Variants in REV3L observed in about 807,000 individuals in gnomAD.
REV3L encodes the protein DNA polymerase zeta catalytic subunit.
Under a neutral mutation model 299.4 loss-of-function variants are expected in REV3L, and 69 were observed. That is an observed-to-expected ratio of 0.23 (90% CI 0.19 to 0.28). The LOEUF (loss-of-function observed/expected upper bound fraction) is 0.28. Ranked by LOEUF, REV3L falls within the 10% of genes least tolerant of loss-of-function variation. REV3L has a pLI of 1.00. For missense variants in REV3L, 3,128 were observed against 3,693.8 expected (o/e 0.85, Z 3.97); for synonymous variants, 1,238 against 1,271.4 (o/e 0.97, Z 0.56).
At chr6:111,398,740 T>A (rs1288474116) in intron 4 of REV3L, among the ~76,000 whole-genome samples, 3 of 152,056 alleles carry the variant, frequency 2.0e-5, no homozygotes, top group African/African-American at 7.2e-5. Context: ...TGAGATAACA[T>A]GATAAAATAA....
chr6:111,447,423 A>C (rs547993676), intron 1 of REV3L, among the ~76,000 whole-genome samples: 6 of 152,320 alleles, frequency 3.9e-5, no homozygotes, highest in African/African-American at 1.2e-4. Flanking sequence ...AAAACCAAAA[A>C]CTTCAAATGT....
Position 111,304,609 on chromosome 6 carries a change from TTTTC to T in REV3L, c.9252+2748_9252+2751del, listed in dbSNP as rs1330754517. Among the ~76,000 whole-genome samples the T allele has an allele frequency of 5.9e-5, 9 of 151,412 alleles. No individual in the cohort carries two copies. The East Asian group carries it at 7.7e-4, about 13-fold the overall frequency. ...ATCATTATTTATAAATAGCATCGCT[TTTTC>T]TTTTTTTTTTTTTTTTCGATCCAAG... is the stretch of plus-strand genomic sequence containing the variant. On this transcript the variant is annotated intron_variant, in intron 31 of 31. Coordinates refer to ENST00000368802, the MANE Select transcript of REV3L (RefSeq NM_001372078.1).
chr6:111,363,760 C>A, intron 16 of REV3L, 93 bp downstream of exon 16: 1 of 1,228,626 alleles, frequency 8.1e-7, no homozygotes, highest in South Asian at 1.6e-5. Flanking sequence ...CAATATACTC[C>A]TCCCTTGTTA....
intron 20 of REV3L, among the ~76,000 whole-genome samples, chr6:111,345,393 C>A (rs1171146857): frequency 6.6e-6 from 1 of 152,058 alleles, no homozygotes; most frequent in African/African-American, 2.4e-5. Context: ...TACTAAATTC[C>A]AGAGGTGAAT....
upstream of REV3L, chr6:111,483,528 G>A: frequency 1.9e-6 from 1 of 514,024 alleles, no homozygotes. Context: ...CTTGCGGGAG[G>A]GGGGCGCCAG....
At chr6:111,344,672 T>C (rs1285984134) in intron 20 of REV3L, among the ~76,000 whole-genome samples, 5 of 152,206 alleles carry the variant, frequency 3.3e-5, no homozygotes, top group Non-Finnish European at 5.9e-5. Flanking sequence ...TACTTCCAGC[T>C]AGATGATTTC....
At chr6:111,352,012 CT>C (rs879816515) in intron 18 of REV3L, among the ~76,000 whole-genome samples, 133 of 143,640 alleles carry the variant, frequency 9.3e-4, no homozygotes, top group Admixed American at 9.8e-4. Context: ...TTCTTTCTTT[CT>C]TTTTTTTTTT....
At chr6:111,322,792 A>C in intron 25 of REV3L, 114 bp from the exon 26 acceptor site, 1 of 771,952 alleles carries the variant, frequency 1.3e-6, no homozygotes. Flanking sequence ...AAACGAGAAA[A>C]GAACGTAAAA....
At chr6:111,333,908 C>T (rs569144390) in intron 22 of REV3L, among the ~76,000 whole-genome samples, 2 of 152,278 alleles carry the variant, frequency 1.3e-5, no homozygotes, top group African/African-American at 4.8e-5. Flanking sequence ...TTTTAAAAGA[C>T]AGATGCAATT....
At chr6:111,309,043 T>C (rs1772657697) in intron 30 of REV3L, among the ~76,000 whole-genome samples, 1 of 152,162 alleles carries the variant, frequency 6.6e-6, no homozygotes, top group Admixed American at 6.5e-5. Context: ...GACGGGCAGG[T>C]TGTGGAGCTC....
rs557642648 is a variant in REV3L, at chr6:111,412,382, C to A, written c.330-828G>T. On this transcript the variant is annotated intron_variant, in intron 2 of 31. Coordinates refer to ENST00000368802, the MANE Select transcript of REV3L (RefSeq NM_001372078.1). ...GATGAAATAAGCTGAACTCTCACAT[C>A]ATTTCAGGAGGATCTGAAACTACAC... The A allele has an allele frequency of 1.0e-4, 41 of 393,266 alleles. No homozygotes were observed. In the South Asian group the frequency reaches 4.4e-3, roughly 42 times the overall value. 24.4% of individuals were successfully genotyped at this position (393,266 alleles called of 1,614,324 possible).
chr6:111,320,260 G>A (rs1410998080), intron 26 of REV3L, among the ~76,000 whole-genome samples: 1 of 151,876 alleles, frequency 6.6e-6, no homozygotes, highest in African/African-American at 2.4e-5. Context: ...TAGAGATGGC[G>A]TTCTCCATAT....
chr6:111,314,998 G>A (rs1161887714), intron 27 of REV3L, among the ~76,000 whole-genome samples: 1 of 151,942 alleles, frequency 6.6e-6, no homozygotes, highest in African/African-American at 2.4e-5. Context: ...CTACAGGCGT[G>A]TGCCACTATG....
chr6:111,458,257 C>T (rs1318277932), intron 1 of REV3L, among the ~76,000 whole-genome samples: 1 of 151,870 alleles, frequency 6.6e-6, no homozygotes, highest in African/African-American at 2.4e-5. Flanking sequence ...CATGATAAAA[C>T]CCCTCAATAA....
At position 111,357,026 on chromosome 6, in the gene REV3L, T is replaced by C; in HGVS notation, c.7172A>G (p.Asn2391Ser). The C allele has an allele frequency of 6.3e-7, 1 of 1,584,678 alleles. No homozygotes were observed. The highest frequency in any genetic ancestry group is 8.6e-7 in the Non-Finnish European group (1 of 1,160,390). ...DEKALFHEIA[N>S]IIKRYDPDIL... Reference sequence around the variant, plus strand: ...TACAAAACAATACCTCTTTATTATATTTGCAATTTCATGAAAAAGTGCCTT... The same window carrying C: ...TACAAAACAATACCTCTTTATTATACTTGCAATTTCATGAAAAAGTGCCTT... The change falls in exon 18 of 32, where the codon AAT (asparagine) becomes AGT (serine). Residue 2391 changes from asparagine to serine, a missense_variant. Asn to Ser is a conservative substitution (Grantham distance 46). This residue lies in a region of REV3L where 82 missense variants were observed against 142.7 expected (regional missense o/e 0.57). Coordinates refer to ENST00000368802, the MANE Select transcript of REV3L (RefSeq NM_001372078.1).
intron 1 of REV3L, among the ~76,000 whole-genome samples, chr6:111,437,985 TG>T (rs1370155505): frequency 6.6e-6 from 1 of 151,924 alleles, no homozygotes; most frequent in Non-Finnish European, 1.5e-5. Context: ...CTCGAGTAGC[TG>T]GAACTACAGG....
Position 111,358,888 on chromosome 6 carries a change from C to G in REV3L, c.7006G>C (p.Asp2336His). 1 of 1,613,976 alleles carries G rather than the reference C, an allele frequency of 6.2e-7. No individual in the cohort carries two copies. Among genetic ancestry groups the G allele is most frequent in the Non-Finnish European group, 8.5e-7 (1 of 1,179,964 alleles). The change falls in exon 17 of 32, where the codon GAT becomes CAT. Residue 2336 changes from aspartate (D) to histidine (H), a missense_variant. This residue lies in a region of REV3L where 82 missense variants were observed against 142.7 expected (regional missense o/e 0.57). Coordinates refer to ENST00000368802, the MANE Select transcript of REV3L (RefSeq NM_001372078.1). ...CCTGTGAGTTCTGTTTTTTCTGTATCTGGCAGTGGAGTGTCAGATGAGATG... is the reference window on the plus strand; with the variant it reads ...CCTGTGAGTTCTGTTTTTTCTGTATGTGGCAGTGGAGTGTCAGATGAGATG... ...YCISSDTPLP[D>H]TEKTELTGVI... is the part of the protein sequence containing the mutation.
At chr6:111,396,638 G>C (rs1286759863) in intron 4 of REV3L, among the ~76,000 whole-genome samples, 1 of 152,046 alleles carries the variant, frequency 6.6e-6, no homozygotes, top group Non-Finnish European at 1.5e-5. Flanking sequence ...TCTTTATTGG[G>C]AGACCTTTAA....
At chr6:111,444,457 A>C (rs1216402810) in intron 1 of REV3L, among the ~76,000 whole-genome samples, 1 of 152,218 alleles carries the variant, frequency 6.6e-6, no homozygotes, top group Non-Finnish European at 1.5e-5. Context: ...CCTGAAAGAG[A>C]TGTTTCCAAT....
Sources: allele counts gnomAD v4.1 joint callset (sites outside exome capture counted in the v4.1 genomes callset), GRCh38; gene constraint gnomAD v4.1.1; regional missense constraint gnomAD v4.1.1; transcripts MANE v1.5; gene names NCBI Gene and HGNC (gene_info 2026-07-23, HGNC 2026-07-21).